ADAMTSL3: variants seen among roughly 807,000 people sequenced by gnomAD.
ADAMTSL3 encodes ADAMTS-like protein 3.
In ADAMTSL3, 128 loss-of-function variants were observed where a neutral mutation model predicts 201.7. The observed-to-expected ratio is 0.63, with a 90% CI of 0.55 to 0.73. ADAMTSL3 has a LOEUF of 0.73. ADAMTSL3 is among the 30% of genes least tolerant of loss of function. The pLI is 0.00. For missense variants in ADAMTSL3, 1,990 were observed against 2,119.6 expected (o/e 0.94, Z 1.20); for synonymous variants, 738 against 748.4 (o/e 0.99, Z 0.23).
At chr15:83,920,175 T>G (rs1596406849) in intron 16 of ADAMTSL3, among the ~76,000 whole-genome samples, 1 of 152,214 alleles carries the variant, frequency 6.6e-6, no homozygotes, top group African/African-American at 2.4e-5. Flanking sequence ...GAACAAAGAT[T>G]GCATTGGCCC....
intron 3 of ADAMTSL3, among the ~76,000 whole-genome samples, chr15:83,737,769 C>T (rs765277804): frequency 6.6e-6 from 1 of 152,112 alleles, no homozygotes; most frequent in African/African-American, 2.4e-5. Flanking sequence ...CATATACATA[C>T]CCCGATACAT....
At chr15:83,726,433 G>T (rs1419678156) in intron 3 of ADAMTSL3, among the ~76,000 whole-genome samples, 3 of 152,098 alleles carry the variant, frequency 2.0e-5, no homozygotes, top group African/African-American at 7.2e-5. Flanking sequence ...GTACTACGTT[G>T]AATGACAGTG....
intron 17 of ADAMTSL3, among the ~76,000 whole-genome samples, chr15:83,941,079 AT>A (rs575297195): frequency 2.5e-3 from 382 of 151,558 alleles, no homozygotes; most frequent in African/African-American, 8.6e-3. Context: ...AAATTTTTTA[AT>A]TTTTTTTGTC....
At chr15:83,823,906 T>A (rs1358541197) in intron 6 of ADAMTSL3, among the ~76,000 whole-genome samples, 2 of 35,688 alleles carry the variant, frequency 5.6e-5, no homozygotes, top group African/African-American at 1.4e-4. Flanking sequence ...TTCTTCTTCT[T>A]CTTCTTCTTC....
At chr15:83,812,839 A>C (rs889004159) in intron 5 of ADAMTSL3, among the ~76,000 whole-genome samples, 3 of 152,238 alleles carry the variant, frequency 2.0e-5, no homozygotes, top group African/African-American at 7.2e-5. Context: ...GTGCCATTTC[A>C]TGTATAAATT....
At chr15:83,937,426 C>T (rs578078750) in intron 17 of ADAMTSL3, among the ~76,000 whole-genome samples, 1 of 150,946 alleles carries the variant, frequency 6.6e-6, no homozygotes, top group South Asian at 2.1e-4. Flanking sequence ...CCAAATACCA[C>T]GTGTCCTCAT....
intron 4 of ADAMTSL3, among the ~76,000 whole-genome samples, chr15:83,775,748 C>T (rs1221000485): frequency 6.6e-6 from 1 of 152,134 alleles, no homozygotes; most frequent in African/African-American, 2.4e-5. Context: ...ATTGCCTTTG[C>T]CCTCCCAAAT....
intron 9 of ADAMTSL3, among the ~76,000 whole-genome samples, chr15:83,882,173 AAG>A (rs958526795): frequency 4.6e-5 from 7 of 152,148 alleles, no homozygotes; most frequent in African/African-American, 1.7e-4. Context: ...GAAAGAAAGA[AAG>A]AAAAAAGACA....
rs149367568 is a variant in ADAMTSL3 at position 83,717,137 on chromosome 15, C to T, written c.189+12629C>T. 3.8e-3 allele frequency among the ~76,000 whole-genome samples: 577 copies of T among 152,250 alleles called. 4 individuals carry two copies. Among genetic ancestry groups the T allele is most frequent in the South Asian group, 9.1e-3 (44 of 4,822 alleles). Reference sequence around the variant, plus strand: ...CCTTGAGTGGAGACTGACATCTGAGCTGATAATAGCAGTAGTTTAAAGGAG... The same window carrying T: ...CCTTGAGTGGAGACTGACATCTGAGTTGATAATAGCAGTAGTTTAAAGGAG... On this transcript the variant is annotated intron_variant, in intron 3 of 29. Coordinates refer to ENST00000286744, the MANE Select transcript of ADAMTSL3 (RefSeq NM_207517.3).
At chr15:83,972,112 T>C (rs985104856) in intron 20 of ADAMTSL3, among the ~76,000 whole-genome samples, 21 of 152,112 alleles carry the variant, frequency 1.4e-4, no homozygotes, top group African/African-American at 4.8e-4. Context: ...AGGCAGATAC[T>C]ATCTCCATCT....
At chr15:83,688,779 CACAT>C (rs753169257) in intron 2 of ADAMTSL3, among the ~76,000 whole-genome samples, 1,797 of 151,162 alleles carry the variant, frequency 0.012, 15 homozygotes, top group Non-Finnish European at 0.016. Flanking sequence ...CACACACACA[CACAT>C]ACACACACAC....
rs114115848 is a variant in ADAMTSL3 at position 83,954,128 on chromosome 15, C to T, written c.2490+11046C>T. ...CTTTGAATAATTTTTCTACCCCTAT[C>T]GCTTTCTCTACCTCCCCTTTAAGAC... On this transcript the variant is annotated intron_variant, in intron 19 of 29. Transcript: ENST00000286744. Among the ~76,000 whole-genome samples, 1,154 of 152,310 alleles carry T rather than the reference C, an allele frequency of 7.6e-3. 18 individuals carry two copies. Among genetic ancestry groups the T allele is most frequent in the African/African-American group, 0.026 (1,098 of 41,572 alleles).
At chr15:83,694,747 A>G (rs969767335) in intron 2 of ADAMTSL3, among the ~76,000 whole-genome samples, 1 of 152,198 alleles carries the variant, frequency 6.6e-6, no homozygotes, top group Admixed American at 6.5e-5. Context: ...TGTGGTGCAG[A>G]GAATATTCAG....
intron 15 of ADAMTSL3, among the ~76,000 whole-genome samples, chr15:83,903,950 A>AGGAAGGAAGGAGGAAGGGAAGGGAAGG (rs1567226158): frequency 2.5e-5 from 1 of 40,314 alleles, no homozygotes; most frequent in African/African-American, 1.8e-4. Context: ...AAAAAGAAAA[A>AGGAAGGAAGGAGGAAGGGAAGGGAAGG]AGAAAGAAAG....
intron 17 of ADAMTSL3, among the ~76,000 whole-genome samples, chr15:83,924,615 G>C (rs1371812422): frequency 1.3e-5 from 2 of 152,116 alleles, no homozygotes; most frequent in Non-Finnish European, 2.9e-5. Flanking sequence ...AAGTTAATCT[G>C]CTTCCTTGCT....
At chr15:83,703,530 G>A (rs1029828722) in intron 2 of ADAMTSL3, among the ~76,000 whole-genome samples, 4 of 152,102 alleles carry the variant, frequency 2.6e-5, no homozygotes, top group African/African-American at 7.2e-5. Flanking sequence ...TACTGTTCTC[G>A]TGATAGTGAA....
chr15:83,977,535 C>T (rs1210957571), intron 20 of ADAMTSL3, among the ~76,000 whole-genome samples: 1 of 151,822 alleles, frequency 6.6e-6, no homozygotes, highest in African/African-American at 2.4e-5. Context: ...GCATTGGCAC[C>T]TGAGGGGTAG....
At chr15:83,950,381 C>A (rs1288034944) in intron 19 of ADAMTSL3, among the ~76,000 whole-genome samples, 2 of 152,018 alleles carry the variant, frequency 1.3e-5, no homozygotes, top group Non-Finnish European at 2.9e-5. Flanking sequence ...GTTTTTATAC[C>A]AGTACTATGC....
chr15:83,674,202 A>G (rs1045407718), intron 2 of ADAMTSL3, among the ~76,000 whole-genome samples: 1 of 151,666 alleles, frequency 6.6e-6, no homozygotes, highest in Non-Finnish European at 1.5e-5. Flanking sequence ...GTTTTCTTCT[A>G]AATATTTTAT....
Sources: allele counts gnomAD v4.1 joint callset (sites outside exome capture counted in the v4.1 genomes callset), GRCh38; gene constraint gnomAD v4.1.1; transcripts MANE v1.5; gene names NCBI Gene and HGNC (gene_info 2026-07-23, HGNC 2026-07-21).